The following AP2B1 variants were observed in gnomAD, a reference collection of about 807,000 sequenced individuals.
The protein encoded by AP2B1 is AP-2 complex subunit beta.
A neutral mutation model predicts 102.0 loss-of-function variants in AP2B1; 23 were observed. The ratio of observed to expected loss-of-function variants is 0.23; its 90% CI spans 0.16 to 0.32. The LOEUF (loss-of-function observed/expected upper bound fraction) is 0.32, where lower values mean the gene tolerates loss of function less well. AP2B1 is among the 10% of genes least tolerant of loss of function. The pLI, the probability that AP2B1 is intolerant of heterozygous loss-of-function variation, is 1.00. For synonymous variants in AP2B1, 381 were observed against 421.2 expected (o/e 0.90, Z 1.17); for missense variants, 541 against 1,157.4 (o/e 0.47, Z 7.73).
chr17:35,722,678 G>A (rs1395240230), intron 21 of AP2B1, among the ~76,000 whole-genome samples: 3 of 152,026 alleles, frequency 2.0e-5, no homozygotes, highest in Non-Finnish European at 4.4e-5. Context: ...AAAATCTCAC[G>A]GTGCTACATC....
intron 18 of AP2B1, among the ~76,000 whole-genome samples, chr17:35,708,670 A>C (rs2076391467): frequency 6.6e-6 from 1 of 152,206 alleles, no homozygotes; most frequent in Non-Finnish European, 1.5e-5. Context: ...ATATTTAAAA[A>C]AATAAAAAAT....
At chr17:35,707,689 G>A (rs368861101) in intron 18 of AP2B1, among the ~76,000 whole-genome samples, 5 of 150,724 alleles carry the variant, frequency 3.3e-5, no homozygotes, top group African/African-American at 9.8e-5. Flanking sequence ...CTGACCTCAA[G>A]TGGTCTGCCT....
chr17:35,693,946 C>T (rs1263037103), intron 18 of AP2B1, among the ~76,000 whole-genome samples: 1 of 152,224 alleles, frequency 6.6e-6, no homozygotes, highest in Admixed American at 6.5e-5. Context: ...CCAGGCAGAA[C>T]ATAGGCATAA....
intron 20 of AP2B1, among the ~76,000 whole-genome samples, chr17:35,711,635 A>T (rs2076453044): frequency 6.6e-6 from 1 of 151,874 alleles, no homozygotes; most frequent in African/African-American, 2.4e-5. Context: ...CACCCGGCTA[A>T]TTTTTTTGTA....
rs563959572 is a variant in AP2B1 at position 35,632,992 on chromosome 17, G to A, written c.1156-3349G>A. 7.2e-5 allele frequency among the ~76,000 whole-genome samples: 11 copies of A among 152,112 alleles called. No homozygotes were observed. In the South Asian group the frequency reaches 2.3e-3, roughly 32 times the overall value. ...CAACTGTTTTGCTGTTGCAATAACAGCAAAGGAATTAATAGCTGAAAATGA... is the reference window on the plus strand; with the variant it reads ...CAACTGTTTTGCTGTTGCAATAACAACAAAGGAATTAATAGCTGAAAATGA... On this transcript the variant is annotated intron_variant, in intron 9 of 21. Transcript: ENST00000610402.
intron 1 of AP2B1, among the ~76,000 whole-genome samples, chr17:35,589,001 C>T (rs2072995100): frequency 6.6e-6 from 1 of 152,162 alleles, no homozygotes; most frequent in Non-Finnish European, 1.5e-5. Flanking sequence ...TCTCCTTTCT[C>T]TTGTCCTTTC....
chr17:35,689,873 C>T (rs895332742), intron 18 of AP2B1, among the ~76,000 whole-genome samples: 6 of 152,108 alleles, frequency 3.9e-5, no homozygotes, highest in Non-Finnish European at 5.9e-5. Context: ...GCTCCTCTTC[C>T]ATATTTCTTT....
At chr17:35,629,442 A>G (rs1312920784) in intron 9 of AP2B1, among the ~76,000 whole-genome samples, 2 of 152,050 alleles carry the variant, frequency 1.3e-5, no homozygotes, top group African/African-American at 4.8e-5. Flanking sequence ...ACATCATTCC[A>G]TACAGCCTCC....
rs377298612 is a variant in AP2B1, at chr17:35,648,274, G to T, written c.1537-2256G>T. On this transcript the variant is annotated intron_variant, in intron 12 of 21. Transcript: ENST00000610402. ...CTTATGCCTGTAATCCTAGCACTTTGAGAGGCTGAGGTGGGCGGATGACTT... is the reference window on the plus strand; with the variant it reads ...CTTATGCCTGTAATCCTAGCACTTTTAGAGGCTGAGGTGGGCGGATGACTT... Among the ~76,000 whole-genome samples, 689 of 152,268 alleles carry T rather than the reference G, an allele frequency of 4.5e-3. 3 individuals carry two copies. Among genetic ancestry groups the T allele is most frequent in the Middle Eastern group, 0.024 (7 of 294 alleles).
At chr17:35,636,558 G>A in intron 10 of AP2B1, 102 bp downstream of exon 10, 2 of 818,916 alleles carry the variant, frequency 2.4e-6, no homozygotes, top group Non-Finnish European at 4.0e-6. Flanking sequence ...AATGTTCCTG[G>A]TCATAATAGG....
chr17:35,657,435 A>G (rs1318088534), intron 13 of AP2B1, among the ~76,000 whole-genome samples, 164 bp from the exon 14 acceptor site: 2 of 152,330 alleles, frequency 1.3e-5, no homozygotes, highest in African/African-American at 2.4e-5. Context: ...AAGAATTGCT[A>G]TTATCTCTTC....
At chr17:35,652,882 C>A in intron 13 of AP2B1, among the ~76,000 whole-genome samples, 1 of 152,156 alleles carries the variant, frequency 6.6e-6, no homozygotes, top group South Asian at 2.1e-4. Context: ...GACAGAATTT[C>A]ATGTGTAGAG....
chr17:35,608,669 G>C (rs953467637), intron 5 of AP2B1, among the ~76,000 whole-genome samples: 1 of 152,020 alleles, frequency 6.6e-6, no homozygotes, highest in Non-Finnish European at 1.5e-5. Flanking sequence ...TTCTTCAGGA[G>C]GTTTGGCCGT....
intron 10 of AP2B1, among the ~76,000 whole-genome samples, chr17:35,637,747 G>A (rs566826837): frequency 2.1e-5 from 3 of 144,906 alleles, no homozygotes; most frequent in African/African-American, 5.2e-5. Context: ...GTGCAGTAGC[G>A]TGATCTCAGC....
chr17:35,689,603 T>C (rs1035551458), intron 18 of AP2B1, among the ~76,000 whole-genome samples: 2 of 152,248 alleles, frequency 1.3e-5, no homozygotes, highest in African/African-American at 4.8e-5. Flanking sequence ...TTTTGTTTTA[T>C]TATTTGTGTT....
chr17:35,678,284 T>C (rs908179058), intron 17 of AP2B1, among the ~76,000 whole-genome samples: 4 of 152,212 alleles, frequency 2.6e-5, no homozygotes, highest in African/African-American at 9.6e-5. Flanking sequence ...TAGTGGCCTT[T>C]TTGTAAATTC....
At chr17:35,642,023 T>C in intron 12 of AP2B1, 48 bp downstream of exon 12, 1 of 1,434,388 alleles carries the variant, frequency 7.0e-7, no homozygotes, top group Non-Finnish European at 9.8e-7. Flanking sequence ...TGTTTCAAAT[T>C]GTAGGAAATT....
chr17:35,597,131 T>C lies in AP2B1; in HGVS notation c.38-1099T>C, dbSNP rs2073316323. 9.9e-6 allele frequency: 5 copies of C among 503,014 alleles called. No homozygotes were observed. The Admixed American group carries it at 1.6e-4, about 16-fold the overall frequency. The allele number at this position is 503,014 out of a possible 1,614,324, so 31.2% of individuals were successfully genotyped here. A position where few individuals can be genotyped will look rare whatever the true frequency, so the allele number is the denominator to read the frequency against. On this transcript the variant is annotated intron_variant, in intron 2 of 21. Transcript: ENST00000610402. ...AGTAGCGACCTCCGGAAGCGGAGAC[T>C]GTCCCCACTGTTTCTATGCTGGTAA...
chr17:35,592,750 C>T (rs557909275), intron 1 of AP2B1, among the ~76,000 whole-genome samples: 3 of 152,198 alleles, frequency 2.0e-5, no homozygotes, highest in African/African-American at 4.8e-5. Flanking sequence ...ACCATGTTGG[C>T]GAGGCTGGTC....
Sources: allele counts gnomAD v4.1 joint callset (sites outside exome capture counted in the v4.1 genomes callset), GRCh38; gene constraint gnomAD v4.1.1; transcripts MANE v1.5; gene names NCBI Gene and HGNC (gene_info 2026-07-23, HGNC 2026-07-21).